The following PPM1L variants were observed in gnomAD, a reference collection of about 807,000 sequenced individuals.
PPM1L encodes protein phosphatase 1L.
PPM1L carries 13 observed loss-of-function variants against 31.4 expected under a neutral mutation model. The ratio of observed to expected loss-of-function variants is 0.41; its 90% CI spans 0.27 to 0.66. PPM1L has a LOEUF of 0.66. Ranked by LOEUF, PPM1L falls within the 30% of genes least tolerant of loss-of-function variation. The pLI, the probability that PPM1L is intolerant of heterozygous loss-of-function variation, is 0.29. For missense variants in PPM1L, 326 were observed against 453.7 expected (o/e 0.72, Z 2.56); for synonymous variants, 184 against 175.4 (o/e 1.05, Z -0.39).
intron 1 of PPM1L, among the ~76,000 whole-genome samples, chr3:160,920,413 G>A (rs887703306): frequency 1.3e-5 from 2 of 152,102 alleles, no homozygotes; most frequent in African/African-American, 4.8e-5. Flanking sequence ...AATGACCCAT[G>A]TGGAATTTCT....
chr3:160,799,270 C>G (rs1712352467), intron 1 of PPM1L, among the ~76,000 whole-genome samples: 1 of 152,156 alleles, frequency 6.6e-6, no homozygotes, highest in Non-Finnish European at 1.5e-5. Flanking sequence ...AAAATGCTAT[C>G]AAACAGCATC....
intron 2 of PPM1L, among the ~76,000 whole-genome samples, chr3:161,046,529 AT>A (rs1375974129): frequency 1.3e-5 from 2 of 152,200 alleles, no homozygotes; most frequent in Non-Finnish European, 2.9e-5. Flanking sequence ...AGCTGGTACC[AT>A]TCCTTCTGAA....
intron 1 of PPM1L, among the ~76,000 whole-genome samples, chr3:160,869,272 G>A (rs1290925850): frequency 2.6e-5 from 4 of 152,280 alleles, no homozygotes; most frequent in Admixed American, 2.6e-4. Flanking sequence ...AGGAGCAGCA[G>A]CGTAGAGGTA....
chr3:160,764,079 C>G (rs949217237), intron 1 of PPM1L, among the ~76,000 whole-genome samples: 2 of 152,084 alleles, frequency 1.3e-5, no homozygotes, highest in Admixed American at 6.6e-5. Flanking sequence ...GTCACATCTA[C>G]TGTTACATTT....
At chr3:160,840,026 A>C (rs1713823830) in intron 1 of PPM1L, among the ~76,000 whole-genome samples, 1 of 152,186 alleles carries the variant, frequency 6.6e-6, no homozygotes, top group African/African-American at 2.4e-5. Flanking sequence ...ATTTCAGATA[A>C]TTTTGGGAAA....
chr3:161,003,120 C>G (rs1276759513), intron 2 of PPM1L, among the ~76,000 whole-genome samples: 2 of 148,256 alleles, frequency 1.3e-5, no homozygotes, highest in African/African-American at 2.5e-5. Context: ...GCTTGTTTTT[C>G]TCAGGTTTGT....
In PPM1L at chr3:160,756,602, C is replaced by A. The variant is rs766833997; in HGVS notation, c.294C>A (p.Ile98=). 8 of 1,614,158 alleles carry A rather than the reference C, an allele frequency of 5.0e-6. No individual in the cohort carries two copies. The highest frequency in any genetic ancestry group is 5.9e-6 in the Non-Finnish European group (7 of 1,180,014). The change falls in exon 1 of 4, where the codon ATC becomes ATA. Residue 98 remains isoleucine (I), a synonymous_variant. Transcript: ENST00000498165. This position sits in a 1 kb window ranked among gnomAD's most constrained non-coding sequence, Gnocchi z 6.2. ...ACCACAACGTGGCGGTGTACTCCAT[C>A]CAGGGCCGGAGAGACCACATGGAGG... The part of the protein sequence containing the change: ...FKNHNVAVYS[I]QGRRDHMEDR...
intron 2 of PPM1L, among the ~76,000 whole-genome samples, chr3:161,033,524 A>C (rs538155563): frequency 6.6e-6 from 1 of 152,338 alleles, no homozygotes; most frequent in South Asian, 2.1e-4. Context: ...CAGAGGCCTC[A>C]GAAAAAAATG....
In PPM1L at chr3:161,075,999, A is replaced by G. The variant is rs1720085370; in HGVS notation, c.*6842A>G. The G allele has an allele frequency of 2.6e-5, 4 of 152,236 alleles. No individual in the cohort carries two copies. In the South Asian group the frequency reaches 8.3e-4, roughly 32 times the overall value. 9.4% of individuals were successfully genotyped at this position (152,236 alleles called of 1,614,324 possible). On this transcript the variant is annotated 3_prime_UTR_variant, in exon 4 of 4. Transcript: ENST00000498165. ...GGTACAACTGGGAGCGAGTTTTAAC[A>G]TAGTGGTAATTTTGCAAATGCCAAC...
rs1470570973 is a variant in PPM1L, at chr3:160,776,576, C to G, written c.399+19869C>G. Among the ~76,000 whole-genome samples, 4 of 149,836 alleles carry G rather than the reference C, an allele frequency of 2.7e-5. No individual in the cohort carries two copies. The East Asian group carries it at 7.9e-4, about 30-fold the overall frequency. On this transcript the variant is annotated intron_variant, in intron 1 of 3. Transcript: ENST00000498165. ...TACTGTATGTCTACTTTCAGATATA[C>G]TGCACTACCTTGGTACTACCTTGGT...
chr3:160,905,070 G>C (rs1404318169), intron 1 of PPM1L, among the ~76,000 whole-genome samples: 1 of 152,208 alleles, frequency 6.6e-6, no homozygotes, highest in Non-Finnish European at 1.5e-5. Context: ...GGGACTGGCT[G>C]AGTTGGACTC....
chr3:160,843,933 A>G (rs527874506), intron 1 of PPM1L, among the ~76,000 whole-genome samples: 3 of 152,344 alleles, frequency 2.0e-5, no homozygotes, highest in African/African-American at 7.2e-5. Flanking sequence ...CATATACACC[A>G]TGGAATACTA....
rs80113998 is a variant in PPM1L, at chr3:160,820,987, T to C, written c.399+64280T>C. On this transcript the variant is annotated intron_variant, in intron 1 of 3. Coordinates refer to ENST00000498165, the MANE Select transcript of PPM1L (RefSeq NM_139245.4). ...TTACTAAATTGTTCTCCAAATTGTT[T>C]GAACCAGTTTATACCCCCATTTGTA... 3.7e-3 allele frequency among the ~76,000 whole-genome samples: 569 copies of C among 152,248 alleles called. 5 individuals carry two copies. Among genetic ancestry groups the C allele is most frequent in the African/African-American group, 0.013 (534 of 41,564 alleles).
chr3:160,976,638 C>G (rs1241226725), intron 2 of PPM1L, among the ~76,000 whole-genome samples: 1 of 152,070 alleles, frequency 6.6e-6, no homozygotes, highest in Admixed American at 6.6e-5. Context: ...TCCATTTCTT[C>G]TAGATTTTCT....
intron 2 of PPM1L, among the ~76,000 whole-genome samples, chr3:160,984,374 A>G (rs1716898017): frequency 6.6e-6 from 1 of 152,174 alleles, no homozygotes; most frequent in African/African-American, 2.4e-5. Context: ...GCCAGACTTT[A>G]AGGTTATCTC....
chr3:160,862,557 T>A (rs185774960), intron 1 of PPM1L, among the ~76,000 whole-genome samples: 1 of 152,174 alleles, frequency 6.6e-6, no homozygotes, highest in African/African-American at 2.4e-5. Context: ...AACATTCATA[T>A]GGGAAATTTT....
intron 2 of PPM1L, among the ~76,000 whole-genome samples, chr3:160,993,976 G>T (rs1717222105): frequency 6.8e-6 from 1 of 147,426 alleles, no homozygotes; most frequent in Admixed American, 6.8e-5. Flanking sequence ...ATTTCACTTT[G>T]TTCCATTTCT....
chr3:160,908,056 A>G (rs1405737578), intron 1 of PPM1L, among the ~76,000 whole-genome samples: 2 of 152,212 alleles, frequency 1.3e-5, no homozygotes, highest in Non-Finnish European at 2.9e-5. Flanking sequence ...GAGAATATTC[A>G]GCAAAGAAAG....
chr3:160,903,195 T>TGTGTGG (rs1347225743), intron 1 of PPM1L, among the ~76,000 whole-genome samples: 1 of 37,914 alleles, frequency 2.6e-5, no homozygotes, highest in Admixed American at 2.4e-4. Context: ...GTGTGTGTGG[T>TGTGTGG]ATGTGTGTAT....
Sources: gnomAD v4.1 joint callset for allele counts (sites outside exome capture counted in the v4.1 genomes callset) on GRCh38, gnomAD v4.1.1 for gene constraint, Gnocchi (gnomAD v3.1) non-coding constraint, MANE v1.5 for transcripts, NCBI Gene and HGNC (gene_info 2026-07-23, HGNC 2026-07-21) for gene names.